Variants in ARHGAP26 observed in about 807,000 individuals in gnomAD.
The protein encoded by ARHGAP26 is Rho GTPase activating protein 26.
A neutral mutation model predicts 104.8 loss-of-function variants in ARHGAP26; 38 were observed. That is an observed-to-expected ratio of 0.36 (90% confidence interval 0.28 to 0.48). The LOEUF (loss-of-function observed/expected upper bound fraction) is 0.48. Among genes scored for constraint, ARHGAP26 ranks in the 20% least tolerant of loss-of-function variants. ARHGAP26 has a pLI of 0.99. For missense variants in ARHGAP26, 704 were observed against 947.9 expected, an observed-to-expected ratio of 0.74 and a Z score of 3.38; for synonymous variants, 341 against 340.0, an observed-to-expected ratio of 1.00 and a Z score of -0.03.
chr5:142,882,413 TA>T (rs1334031677), intron 4 of ARHGAP26, among the ~76,000 whole-genome samples: 4 of 152,214 alleles, frequency 2.6e-5, no homozygotes, highest in African/African-American at 9.7e-5. Context: ...TTCATTTGTT[TA>T]AAAAATATGT....
intron 10 of ARHGAP26, among the ~76,000 whole-genome samples, chr5:142,916,183 T>C (rs1424097232): frequency 6.6e-6 from 1 of 152,280 alleles, no homozygotes; most frequent in African/African-American, 2.4e-5. Flanking sequence ...TGTTTTATTC[T>C]ATCAAGATAC....
intron 12 of ARHGAP26, among the ~76,000 whole-genome samples, chr5:143,019,815 G>C (rs1471203826): frequency 2.0e-5 from 3 of 152,200 alleles, no homozygotes; most frequent in Non-Finnish European, 4.4e-5. Context: ...TGTTTCTCCA[G>C]CTGCTTGAAG....
chr5:142,799,004 G>C (rs1761528574), intron 1 of ARHGAP26, among the ~76,000 whole-genome samples: 1 of 152,158 alleles, frequency 6.6e-6, no homozygotes, highest in Non-Finnish European at 1.5e-5. Context: ...AAACAGCCCT[G>C]TTTAGGTGAT....
At chr5:143,169,273 C>A (rs1387537178) in intron 20 of ARHGAP26, among the ~76,000 whole-genome samples, 2 of 152,206 alleles carry the variant, frequency 1.3e-5, no homozygotes, top group Non-Finnish European at 2.9e-5. Context: ...TTCTTGGTTG[C>A]AAGTAACAGA....
intron 18 of ARHGAP26, among the ~76,000 whole-genome samples, chr5:143,129,988 G>A (rs1039577232): frequency 1.3e-5 from 2 of 152,224 alleles, no homozygotes; most frequent in Non-Finnish European, 2.9e-5. Flanking sequence ...AAGCCTGTTT[G>A]CTTTGTACCT....
At chr5:142,954,967 A>G (rs865847280) in intron 11 of ARHGAP26, among the ~76,000 whole-genome samples, 3 of 152,212 alleles carry the variant, frequency 2.0e-5, no homozygotes, top group African/African-American at 4.8e-5. Flanking sequence ...ATCTCATTAA[A>G]GATAAAGAAG....
intron 20 of ARHGAP26, among the ~76,000 whole-genome samples, chr5:143,190,401 G>C (rs962264966): frequency 6.6e-6 from 1 of 152,172 alleles, no homozygotes; most frequent in East Asian, 1.9e-4. Context: ...CTGAGTAGCA[G>C]ATGCAGCATG....
chr5:142,972,847 T>C (rs1049803547), intron 11 of ARHGAP26, among the ~76,000 whole-genome samples: 7 of 152,116 alleles, frequency 4.6e-5, no homozygotes, highest in African/African-American at 9.7e-5. Context: ...TTTCTATCTC[T>C]GTAAATTTGA....
At chr5:142,889,824 G>A (rs1379572492) in intron 5 of ARHGAP26, among the ~76,000 whole-genome samples, 1 of 151,596 alleles carries the variant, frequency 6.6e-6, no homozygotes, top group Non-Finnish European at 1.5e-5. Context: ...TATGCAATAG[G>A]GTAGGCTAAA....
intron 20 of ARHGAP26, among the ~76,000 whole-genome samples, chr5:143,166,611 G>C (rs1801986997): frequency 1.3e-5 from 2 of 152,142 alleles, no homozygotes; most frequent in Admixed American, 1.3e-4. Flanking sequence ...GACAGCCCCA[G>C]TGCTTTCATA....
chr5:143,217,119 G>T (rs996498757), intron 22 of ARHGAP26, among the ~76,000 whole-genome samples: 2 of 151,996 alleles, frequency 1.3e-5, no homozygotes, highest in African/African-American at 4.8e-5. Flanking sequence ...GAAAGTGCAC[G>T]TGTGTGTGTG....
intron 6 of ARHGAP26, among the ~76,000 whole-genome samples, chr5:142,900,886 C>A (rs867072181): frequency 4.6e-5 from 7 of 152,066 alleles, no homozygotes; most frequent in Admixed American, 1.3e-4. Context: ...AAATGTGGGT[C>A]AGCCTTCAGA....
At chr5:143,212,334 TCTGCTTCC>T (rs376736290) in intron 21 of ARHGAP26, among the ~76,000 whole-genome samples, 4 of 146,800 alleles carry the variant, frequency 2.7e-5, no homozygotes, top group South Asian at 4.5e-4. Context: ...ACTCCTCCTG[TCTGCTTCC>T]CAGCCTCTCA....
intron 13 of ARHGAP26, among the ~76,000 whole-genome samples, chr5:143,039,897 A>C (rs1046663352): frequency 6.6e-6 from 1 of 152,246 alleles, no homozygotes; most frequent in Non-Finnish European, 1.5e-5. Context: ...AACTTCTACG[A>C]AAGTCTTCAT....
chr5:142,992,094 A>T (rs1775703120), intron 11 of ARHGAP26, among the ~76,000 whole-genome samples: 1 of 151,972 alleles, frequency 6.6e-6, no homozygotes, highest in Admixed American at 6.6e-5. Context: ...ATGGTTATTG[A>T]ATTCTTTTTC....
intron 1 of ARHGAP26, among the ~76,000 whole-genome samples, chr5:142,795,316 G>GA (rs1343805637): frequency 6.6e-6 from 1 of 150,806 alleles, no homozygotes; most frequent in African/African-American, 2.4e-5. Context: ...GGATTGCTCA[G>GA]AAAGTGTTGG....
intron 13 of ARHGAP26, among the ~76,000 whole-genome samples, chr5:143,040,247 G>A (rs143365270): frequency 1.3e-5 from 2 of 152,202 alleles, no homozygotes; most frequent in Admixed American, 1.3e-4. Context: ...CTCCTAGTCC[G>A]TGAATCATGC....
chr5:143,110,371 G>T (rs1025021879), intron 17 of ARHGAP26, among the ~76,000 whole-genome samples: 1 of 152,248 alleles, frequency 6.6e-6, no homozygotes, highest in Admixed American at 6.5e-5. Context: ...TTGAAAAATA[G>T]ATGTTGCAGT....
At chr5:143,106,825 A>C (rs1287687303) in intron 17 of ARHGAP26, among the ~76,000 whole-genome samples, 4 of 152,084 alleles carry the variant, frequency 2.6e-5, no homozygotes, top group Non-Finnish European at 5.9e-5. Context: ...CTTGTGGTTG[A>C]AGATACAACT....
Sources: allele counts gnomAD v4.1 joint callset (sites outside exome capture counted in the v4.1 genomes callset), GRCh38; gene constraint gnomAD v4.1.1; transcripts MANE v1.5; gene names NCBI Gene and HGNC (gene_info 2026-07-23, HGNC 2026-07-21).